Variants in GPD2 observed in about 807,000 individuals in gnomAD.
GPD2 encodes glycerol-3-phosphate dehydrogenase, mitochondrial.
In GPD2, 54 loss-of-function variants were observed where a neutral mutation model predicts 82.4. That is an observed-to-expected ratio of 0.66 (90% CI 0.53 to 0.82). GPD2 has a LOEUF of 0.82. Ranked by LOEUF, GPD2 falls within the 40% of genes least tolerant of loss-of-function variation. The probability of loss-of-function intolerance (pLI) is 0.00; values close to 1 mark genes in which losing one functional copy is unlikely to be tolerated. For missense variants in GPD2, 748 were observed against 896.2 expected (o/e 0.83, Z 2.11); for synonymous variants, 288 against 306.1 (o/e 0.94, Z 0.62).
chr2:156,477,417 A>G (rs167231), intron 2 of GPD2, among the ~76,000 whole-genome samples: 149,137 of 152,300 alleles, frequency 0.98, 73,094 homozygotes, highest in East Asian at 1. Flanking sequence ...GGGTGACAAA[A>G]TGAAACCCTG....
intron 7 of GPD2, among the ~76,000 whole-genome samples, 165 bp downstream of exon 7, chr2:156,549,937 T>G (rs1686695833): frequency 6.6e-6 from 1 of 152,256 alleles, no homozygotes; most frequent in Non-Finnish European, 1.5e-5. Context: ...CGTGAAAATT[T>G]CCCTTGTAGG....
intron 1 of GPD2, among the ~76,000 whole-genome samples, chr2:156,454,732 G>T (rs1175427714): frequency 6.6e-6 from 1 of 152,084 alleles, no homozygotes; most frequent in Non-Finnish European, 1.5e-5. Flanking sequence ...AGATGGGGAA[G>T]ATTGGTCTTC....
intron 13 of GPD2, 106 bp downstream of exon 13, chr2:156,571,398 T>C: frequency 1.6e-6 from 1 of 634,582 alleles, no homozygotes; most frequent in Non-Finnish European, 2.6e-6. Context: ...TTAGATTTCT[T>C]ACCAGTTTTT....
At chr2:156,475,990 TTTTCTAGTTTAACA>T (rs1402897985) in intron 1 of GPD2, 94 bp from the exon 2 acceptor site, 8 of 709,614 alleles carry the variant, frequency 1.1e-5, no homozygotes, top group Admixed American at 4.3e-5. Context: ...TTATGTTTTC[TTTTCTAGTTTAACA>T]TGGTTTCATA....
intron 2 of GPD2, among the ~76,000 whole-genome samples, chr2:156,489,710 TCCTTCCTTCCTTCCTCCCTC>T (rs2105227869): frequency 8.4e-6 from 1 of 119,640 alleles, no homozygotes; most frequent in African/African-American, 3.3e-5. Flanking sequence ...CTTCCTTCCT[TCCTTCCTTCCTTCCTCCCTC>T]CCTCCCTCCC....
chr2:156,473,266 A>G (rs1289721486), intron 1 of GPD2, among the ~76,000 whole-genome samples: 1 of 152,176 alleles, frequency 6.6e-6, no homozygotes, highest in African/African-American at 2.4e-5. Context: ...TGACATGAGA[A>G]TGTAGTTTTT....
intron 2 of GPD2, among the ~76,000 whole-genome samples, chr2:156,494,827 T>C (rs1418499316): frequency 6.6e-6 from 1 of 152,234 alleles, no homozygotes; most frequent in Non-Finnish European, 1.5e-5. Flanking sequence ...CTGTTTGCTA[T>C]AGTGAACAAA....
In GPD2 at chr2:156,475,957, G is replaced by C. The variant is rs17847141; in HGVS notation, c.-8-141G>C. 2.7e-3 allele frequency: 1,690 copies of C among 622,778 alleles called. 39 individuals are homozygous for C. In the Admixed American group the frequency reaches 0.029, roughly 11 times the overall value. The allele number at this position is 622,778 out of a possible 1,614,324, so 38.6% of individuals were successfully genotyped here. ...TATTTTGAGTTGCAGTATACACATT[G>C]GTTTGTTAGTAATTTCCTTATTTTA... On this transcript the variant is annotated intron_variant, in intron 1 of 16. Coordinates refer to ENST00000438166, the MANE Select transcript of GPD2 (RefSeq NM_000408.5).
At chr2:156,493,956 G>GTA (rs1300546032) in intron 2 of GPD2, among the ~76,000 whole-genome samples, 25 of 124,490 alleles carry the variant, frequency 2.0e-4, no homozygotes, top group East Asian at 4.7e-4. Context: ...GTGTGTGTGT[G>GTA]TGTATAATTT....
intron 1 of GPD2, among the ~76,000 whole-genome samples, chr2:156,457,257 G>A (rs757392050): frequency 6.6e-6 from 1 of 152,154 alleles, no homozygotes; most frequent in Non-Finnish European, 1.5e-5. Flanking sequence ...TACTCATATG[G>A]GTCAAAGTTG....
chr2:156,569,376 A>G lies in GPD2; in HGVS notation c.1314A>G (p.Thr438=). Residue 438 remains threonine (T), a synonymous_variant, in exon 11 of 17, where the codon ACA becomes ACG. Transcript: ENST00000438166. The stretch of plus-strand genomic sequence containing the variant: ...ATTTCTTTATAGGTGGAAAGTGGAC[A>G]ACTTATCGGTCTATGGCAGAAGATA... ...GLITIAGGKW[T]TYRSMAEDTI... is the part of the protein sequence containing the mutation. The G allele has an allele frequency of 6.2e-7, 1 of 1,609,590 alleles. No homozygotes were observed. Among genetic ancestry groups the G allele is most frequent in the Non-Finnish European group, 8.5e-7 (1 of 1,176,040 alleles).
intron 1 of GPD2, among the ~76,000 whole-genome samples, chr2:156,449,926 C>G (rs1405078206): frequency 6.7e-6 from 1 of 149,710 alleles, no homozygotes; most frequent in Non-Finnish European, 1.5e-5. Flanking sequence ...GAGGCAGGAG[C>G]CTTGAACCTG....
At chr2:156,525,852 T>A (rs1337500956) in intron 6 of GPD2, among the ~76,000 whole-genome samples, 2 of 152,184 alleles carry the variant, frequency 1.3e-5, no homozygotes, top group Non-Finnish European at 2.9e-5. Flanking sequence ...AAGTAAAAAA[T>A]GTAAACAAAG....
At chr2:156,473,565 G>C (rs1447581730) in intron 1 of GPD2, 1 of 152,194 alleles carries the variant, frequency 6.6e-6, no homozygotes, top group Non-Finnish European at 1.5e-5. Flanking sequence ...GCAATGATAA[G>C]TCAATCAGTC....
intron 13 of GPD2, among the ~76,000 whole-genome samples, chr2:156,573,456 C>T (rs139285883): frequency 3.9e-5 from 6 of 152,148 alleles, no homozygotes; most frequent in Non-Finnish European, 5.9e-5. Flanking sequence ...TCCTGTGCTT[C>T]TGTCAGTCCT....
the GPD2 span, among the ~76,000 whole-genome samples, chr2:156,403,417 G>A: frequency 1.3e-5 from 2 of 152,174 alleles, no homozygotes; most frequent in African/African-American, 4.8e-5. Flanking sequence ...GTATGAGGGT[G>A]TAATGCTTGG....
intron 3 of GPD2, among the ~76,000 whole-genome samples, chr2:156,497,768 A>G (rs1006765497): frequency 5.9e-5 from 9 of 152,184 alleles, no homozygotes; most frequent in African/African-American, 2.2e-4. Context: ...TGGCAAGTTC[A>G]AAATACAGGC....
At chr2:156,456,386 C>T (rs1031571369) in intron 1 of GPD2, among the ~76,000 whole-genome samples, 1 of 151,882 alleles carries the variant, frequency 6.6e-6, no homozygotes, top group Non-Finnish European at 1.5e-5. Flanking sequence ...GGCAGATCAC[C>T]TGAGGTCAGG....
chr2:156,569,295 A>G, intron 10 of GPD2, 68 bp from the exon 11 acceptor site: 4 of 1,068,868 alleles, frequency 3.7e-6, no homozygotes, highest in Non-Finnish European at 5.8e-6. Context: ...TGGTAAGTTG[A>G]TAAATGGTTA....
Sources: gnomAD v4.1 joint callset for allele counts (sites outside exome capture counted in the v4.1 genomes callset) on GRCh38, gnomAD v4.1.1 for gene constraint, MANE v1.5 for transcripts, NCBI Gene and HGNC (gene_info 2026-07-23, HGNC 2026-07-21) for gene names.